UGGT2: variants seen among roughly 807,000 people sequenced by gnomAD.
The protein encoded by UGGT2 is UDP-glucose:glycoprotein glucosyltransferase 2.
A neutral mutation model predicts 192.1 loss-of-function variants in UGGT2; 180 were observed. That is an observed-to-expected ratio of 0.94 (90% CI 0.83 to 1.06). UGGT2 has a LOEUF of 1.06. Ranked by LOEUF, UGGT2 falls within the 50% of genes least tolerant of loss-of-function variation. UGGT2 has a pLI of 0.00. For synonymous variants in UGGT2, 580 were observed against 591.0 expected, an observed-to-expected ratio of 0.98 and a Z score of 0.27; for missense variants, 1,849 against 1,795.7, an observed-to-expected ratio of 1.03 and a Z score of -0.54.
chr13:95,975,460 T>A (rs1211781913), intron 10 of UGGT2, among the ~76,000 whole-genome samples: 1 of 152,242 alleles, frequency 6.6e-6, no homozygotes, highest in African/African-American at 2.4e-5. Flanking sequence ...TCTAGCTTAT[T>A]TTCATATGGG....
chr13:95,989,910 G>T, intron 8 of UGGT2, 63 bp downstream of exon 8: 1 of 1,036,976 alleles, frequency 9.6e-7, no homozygotes. Context: ...ATATATAAAA[G>T]CTTATTTAAC....
At position 95,970,112 on chromosome 13, in the gene UGGT2, C is replaced by T. The variant is rs1036665785; in HGVS notation, c.1335G>A (p.Met445Ile). 10 of 1,603,352 alleles carry T rather than the reference C, an allele frequency of 6.2e-6. No individual in the cohort carries two copies. In the Admixed American group the frequency reaches 1.0e-4, roughly 16 times the overall value. ...YVLDIRHSSI[M>I]WINDLENDDL... Reference sequence around the variant, plus strand: ...AACAAGGAATAGCATAAGCACTTACCATTATAGAAGAATGTCGAATATCTA... The same window carrying T: ...AACAAGGAATAGCATAAGCACTTACTATTATAGAAGAATGTCGAATATCTA... The change falls in exon 12 of 39, where the codon ATG becomes ATA. Residue 445 changes from methionine (M) to isoleucine (I), a missense_variant and splice_region_variant. Coordinates refer to ENST00000376747, the MANE Select transcript of UGGT2 (RefSeq NM_020121.4).
intron 12 of UGGT2, among the ~76,000 whole-genome samples, chr13:95,957,092 A>C (rs530359715): frequency 1.3e-5 from 2 of 152,368 alleles, no homozygotes; most frequent in African/African-American, 4.8e-5. Context: ...AATATTGTAT[A>C]ATTCCACTTA....
intron 20 of UGGT2, among the ~76,000 whole-genome samples, chr13:95,919,823 T>A (rs572098494): frequency 6.6e-6 from 1 of 152,106 alleles, no homozygotes; most frequent in East Asian, 1.9e-4. Context: ...TAAACTAACA[T>A]TGACATTCTT....
At chr13:96,051,651 C>A (rs1290472141) in intron 1 of UGGT2, among the ~76,000 whole-genome samples, 1 of 146,858 alleles carries the variant, frequency 6.8e-6, no homozygotes, top group South Asian at 2.2e-4. Flanking sequence ...AAAAAAAAAA[C>A]AGTCCCATCA....
intron 17 of UGGT2, among the ~76,000 whole-genome samples, chr13:95,930,241 G>C (rs28895285): frequency 6.6e-6 from 1 of 152,002 alleles, no homozygotes; most frequent in Admixed American, 6.5e-5. Flanking sequence ...ACTCTGTTGC[G>C]AGTTTCTTTT....
At chr13:95,827,584 G>A (rs1451217236) in intron 38 of UGGT2, among the ~76,000 whole-genome samples, 2 of 152,112 alleles carry the variant, frequency 1.3e-5, no homozygotes, top group African/African-American at 4.8e-5. Context: ...GTTTAAGCCA[G>A]CCAGTTTGTG....
Position 95,966,600 on chromosome 13 carries a change from G to A in UGGT2, c.1335+3512C>T, listed in dbSNP as rs141347749. Among the ~76,000 whole-genome samples the A allele has an allele frequency of 2.1e-3, 314 of 151,986 alleles. 3 individuals are homozygous for A. The highest frequency in any genetic ancestry group is 7.1e-3 in the African/African-American group (295 of 41,448). On this transcript the variant is annotated intron_variant, in intron 12 of 38. Coordinates refer to ENST00000376747, the MANE Select transcript of UGGT2 (RefSeq NM_020121.4). ...AGAAATGATAAATACTGCTAGTGAC[G>A]GATACCCCAAATACACTGATTTCAT... is the stretch of plus-strand genomic sequence containing the variant.
intron 38 of UGGT2, among the ~76,000 whole-genome samples, chr13:95,805,322 T>G (rs1279983097): frequency 6.6e-6 from 1 of 150,984 alleles, no homozygotes; most frequent in East Asian, 1.9e-4. Context: ...ATGGAGAAAC[T>G]GGAACTCTTT....
Position 95,856,445 on chromosome 13 carries a change from AAACT to A in UGGT2, c.3826-109_3826-106del, listed in dbSNP as rs1167285653. The A allele has an allele frequency of 8.5e-6, 10 of 1,174,932 alleles. No homozygotes were observed. The Admixed American group carries it at 1.1e-4, about 13-fold the overall frequency. 72.8% of individuals were successfully genotyped at this position (1,174,932 alleles called of 1,614,324 possible). A position where few individuals can be genotyped will look rare whatever the true frequency, so the allele number is the denominator to read the frequency against. The stretch of plus-strand genomic sequence containing the variant: ...GGTAAAGCTTCCTATAAATTGTTAT[AAACT>A]AATAGGCAAGATGTCTAAATACTAC... On this transcript the variant is annotated intron_variant, in intron 33 of 38. Coordinates refer to ENST00000376747, the MANE Select transcript of UGGT2 (RefSeq NM_020121.4).
chr13:95,859,471 C>G (rs1889944049), intron 33 of UGGT2, 120 bp downstream of exon 33: 4 of 809,314 alleles, frequency 4.9e-6, no homozygotes, highest in African/African-American at 1.8e-5. Context: ...CATAAAAATA[C>G]TAAATACCAT....
chr13:96,004,176 G>GA (rs35910583), intron 5 of UGGT2, among the ~76,000 whole-genome samples: 1,502 of 139,494 alleles, frequency 0.011, 18 homozygotes, highest in African/African-American at 0.035. Context: ...GCAACTCTAG[G>GA]AAAAAAAAAA....
At chr13:96,042,981 A>C (rs2053209065) in intron 1 of UGGT2, among the ~76,000 whole-genome samples, 1 of 152,188 alleles carries the variant, frequency 6.6e-6, no homozygotes, top group Non-Finnish European at 1.5e-5. Context: ...CTTTCTAGAG[A>C]CCTAGACATC....
At chr13:95,861,462 T>A (rs540643466) in intron 31 of UGGT2, among the ~76,000 whole-genome samples, 4 of 152,110 alleles carry the variant, frequency 2.6e-5, no homozygotes, top group Non-Finnish European at 5.9e-5. Flanking sequence ...GGGAACCATG[T>A]CTACTTACTG....
Position 95,884,531 on chromosome 13 carries a change from A to C in UGGT2, c.3188T>G (p.Val1063Gly). The change falls in exon 27 of 39, where the codon GTG (valine) becomes GGG (glycine). Residue 1063 changes from valine to glycine, a missense_variant. By Grantham distance (109) the Val-to-Gly change is moderately radical. Coordinates refer to ENST00000376747, the MANE Select transcript of UGGT2 (RefSeq NM_020121.4). ...ATTATCAAGGTCACAGTTGCTGTGC[A>C]CTGTTTCAACCAACCAGCCTTCTGG... is the stretch of plus-strand genomic sequence containing the variant. ...ITPEGWLVET[V>G]HSNCDLDNIH... is the part of the protein sequence containing the mutation. 1 of 1,613,856 alleles carries C rather than the reference A, an allele frequency of 6.2e-7. No individual in the cohort carries two copies. The highest frequency in any genetic ancestry group is 8.5e-7 in the Non-Finnish European group (1 of 1,179,900).
chr13:95,940,218 C>A (rs1369279603), intron 15 of UGGT2, 127 bp from the exon 16 acceptor site: 2 of 545,858 alleles, frequency 3.7e-6, no homozygotes, highest in African/African-American at 2.0e-5. Context: ...TACACACATA[C>A]CACATAAAAA....
At chr13:95,965,157 T>C (rs2050529724) in intron 12 of UGGT2, among the ~76,000 whole-genome samples, 1 of 151,214 alleles carries the variant, frequency 6.6e-6, no homozygotes, top group South Asian at 2.1e-4. Context: ...TGTAAACTAG[T>C]TCAACCATTG....
chr13:95,914,914 G>T (rs1235226007), intron 20 of UGGT2, among the ~76,000 whole-genome samples: 1 of 134,854 alleles, frequency 7.4e-6, no homozygotes, highest in Admixed American at 7.2e-5. Context: ...TAACTGTCAA[G>T]AACATCACAC....
rs2053538433 is a variant in UGGT2, at chr13:96,053,169, C to G, written c.144G>C (p.Leu48=). 3.3e-6 allele frequency: 5 copies of G among 1,514,522 alleles called. No homozygotes were observed. The highest frequency in any genetic ancestry group is 4.0e-5 in the Admixed American group (2 of 49,640). The allele number at this position is 1,514,522 out of a possible 1,614,324, so 93.8% of individuals were successfully genotyped here. ...HLAAKWPETP[L]LLEASEFMAE... Reference sequence around the variant, plus strand: ...CCCGCACCCACCTTGCCTCCAGCAGCAGCGGGGTCTCGGGCCACTTCGCGG... The same window carrying G: ...CCCGCACCCACCTTGCCTCCAGCAGGAGCGGGGTCTCGGGCCACTTCGCGG... Residue 48 remains leucine (L), a synonymous_variant, in exon 1 of 39, where the codon CTG becomes CTC. Transcript: ENST00000376747.
Sources: allele counts gnomAD v4.1 joint callset (sites outside exome capture counted in the v4.1 genomes callset), GRCh38; gene constraint gnomAD v4.1.1; transcripts MANE v1.5; gene names NCBI Gene and HGNC (gene_info 2026-07-23, HGNC 2026-07-21).